GALNT14: variants seen among roughly 807,000 people sequenced by gnomAD.
The protein encoded by GALNT14 is polypeptide N-acetylgalactosaminyltransferase 14, also known as UDP-GalNAc:polypeptide N-acetylgalactosaminyltransferase 14.
In GALNT14, 60 loss-of-function variants were observed where a neutral mutation model predicts 77.5. That is an observed-to-expected ratio of 0.77 (90% confidence interval 0.63 to 0.96). The LOEUF is 0.96. Among genes scored for constraint, GALNT14 ranks in the 40% least tolerant of loss-of-function variants. The pLI is 0.00. For missense variants in GALNT14, 710 were observed against 731.0 expected (o/e 0.97, Z 0.33); for synonymous variants, 280 against 281.7 (o/e 0.99, Z 0.06).
Position 30,993,021 on chromosome 2 carries a change from A to G in GALNT14, c.130-14T>C. The G allele has an allele frequency of 6.2e-7, 1 of 1,613,396 alleles. No individual in the cohort carries two copies. The highest frequency in any genetic ancestry group is 8.5e-7 in the Non-Finnish European group (1 of 1,179,734). ...AGCGTCCGAAGGCTGCGTGACACGA[A>G]TGGGAAGTCTGTGAGAACGGCTCCC... On this transcript the variant is annotated splice_polypyrimidine_tract_variant and intron_variant, in intron 1 of 14. Coordinates refer to ENST00000349752, the MANE Select transcript of GALNT14 (RefSeq NM_024572.4).
intron 1 of GALNT14, among the ~76,000 whole-genome samples, chr2:31,126,500 C>T (rs189723274): frequency 2.6e-5 from 4 of 152,220 alleles, no homozygotes; most frequent in African/African-American, 7.2e-5. Context: ...CTAAGAATGC[C>T]GGCCGTGCAG....
At chr2:31,072,263 T>TCTCA (rs1553372467) in intron 1 of GALNT14, among the ~76,000 whole-genome samples, 4 of 80,318 alleles carry the variant, frequency 5.0e-5, no homozygotes, top group Admixed American at 1.2e-4. Context: ...TCTCTCTCTC[T>TCTCA]CACACACACA....
intron 1 of GALNT14, among the ~76,000 whole-genome samples, chr2:31,060,681 G>A (rs1674535945): frequency 6.6e-6 from 1 of 152,184 alleles, no homozygotes; most frequent in South Asian, 2.1e-4. Context: ...GGTGCAGCTG[G>A]GGTGATGTGT....
chr2:30,975,158 C>T (rs978765218), intron 2 of GALNT14, among the ~76,000 whole-genome samples: 1 of 152,186 alleles, frequency 6.6e-6, no homozygotes, highest in Non-Finnish European at 1.5e-5. Flanking sequence ...TGGGGAATAT[C>T]AGGTGGCATC....
chr2:30,936,882 T>A (rs972571320), intron 9 of GALNT14, among the ~76,000 whole-genome samples: 4 of 152,342 alleles, frequency 2.6e-5, no homozygotes, highest in African/African-American at 7.2e-5. Flanking sequence ...GACACCTTTA[T>A]CTTTCCATAT....
chr2:31,064,207 G>C (rs569261603), intron 1 of GALNT14, among the ~76,000 whole-genome samples: 76 of 152,306 alleles, frequency 5.0e-4, no homozygotes, highest in African/African-American at 1.7e-3. Context: ...GTATAAATCT[G>C]CTATTGTGTT....
At chr2:31,044,961 G>A (rs1412403226) in intron 1 of GALNT14, among the ~76,000 whole-genome samples, 1 of 152,016 alleles carries the variant, frequency 6.6e-6, no homozygotes, top group African/African-American at 2.4e-5. Flanking sequence ...CAGGCATGGG[G>A]AATTCAAACC....
chr2:31,104,882 A>T (rs928488895), intron 1 of GALNT14, among the ~76,000 whole-genome samples: 1 of 152,302 alleles, frequency 6.6e-6, no homozygotes, highest in South Asian at 2.1e-4. Context: ...AAATTTTGCC[A>T]CTGAAATTTT....
chr2:30,950,079 C>A (rs900638861), intron 6 of GALNT14, among the ~76,000 whole-genome samples: 2 of 152,104 alleles, frequency 1.3e-5, no homozygotes, highest in Non-Finnish European at 2.9e-5. Flanking sequence ...TTATTATTTG[C>A]AAAACTATCC....
chr2:30,895,415 G>C, the GALNT14 span, among the ~76,000 whole-genome samples: 1 of 152,186 alleles, frequency 6.6e-6, no homozygotes, highest in African/African-American at 2.4e-5. Flanking sequence ...GGGACACAAA[G>C]GGGATGCCTG....
intron 9 of GALNT14, among the ~76,000 whole-genome samples, chr2:30,940,109 G>A (rs1666293595): frequency 6.6e-6 from 1 of 152,088 alleles, no homozygotes; most frequent in African/African-American, 2.4e-5. Flanking sequence ...GATAGCTGTT[G>A]GCAGTGCTTT....
At chr2:30,987,443 C>T (rs1161869707) in intron 2 of GALNT14, among the ~76,000 whole-genome samples, 1 of 152,228 alleles carries the variant, frequency 6.6e-6, no homozygotes, top group African/African-American at 2.4e-5. Flanking sequence ...GCTTCTTCTA[C>T]TCCTGCCCTC....
chr2:31,117,003 C>A (rs546693899), intron 1 of GALNT14, among the ~76,000 whole-genome samples: 1 of 152,082 alleles, frequency 6.6e-6, no homozygotes, highest in African/African-American at 2.4e-5. Context: ...CGCCATTGCA[C>A]TCCAGCCTGG....
chr2:31,066,949 C>T (rs17010640), intron 1 of GALNT14, among the ~76,000 whole-genome samples: 6,536 of 152,266 alleles, frequency 0.043, 262 homozygotes, highest in East Asian at 0.2. Flanking sequence ...TACCTCACCC[C>T]GACATTGCCC....
chr2:30,995,097 TAGTC>T (rs1304475931), intron 1 of GALNT14, among the ~76,000 whole-genome samples: 1 of 151,164 alleles, frequency 6.6e-6, no homozygotes, highest in Non-Finnish European at 1.5e-5. Context: ...GGCAGTATAT[TAGTC>T]AGGGTCCTCT....
Position 31,115,302 on chromosome 2 carries a change from T to C in GALNT14, c.129+22656A>G, listed in dbSNP as rs1678052757. On this transcript the variant is annotated intron_variant, in intron 1 of 14. Coordinates refer to ENST00000349752, the MANE Select transcript of GALNT14 (RefSeq NM_024572.4). Reference sequence around the variant, plus strand: ...CCCAAACGAACCACAAAACCATCCATACATTGCCAAGTGTCCGAGGCAGAT... The same window carrying C: ...CCCAAACGAACCACAAAACCATCCACACATTGCCAAGTGTCCGAGGCAGAT... 2.0e-5 allele frequency among the ~76,000 whole-genome samples: 3 copies of C among 152,146 alleles called. No individual in the cohort carries two copies. The South Asian group carries it at 6.2e-4, about 32-fold the overall frequency.
chr2:30,922,623 A>C (rs1033788059), intron 13 of GALNT14, among the ~76,000 whole-genome samples: 1 of 152,174 alleles, frequency 6.6e-6, no homozygotes, highest in African/African-American at 2.4e-5. Context: ...CTGAGAATAC[A>C]ACTCATTTCC....
At chr2:30,997,541 G>C (rs1324927225) in intron 1 of GALNT14, among the ~76,000 whole-genome samples, 1 of 152,062 alleles carries the variant, frequency 6.6e-6, no homozygotes, top group Non-Finnish European at 1.5e-5. Flanking sequence ...CTCAGAACTG[G>C]GCCCACTCCT....
intron 2 of GALNT14, among the ~76,000 whole-genome samples, chr2:30,984,294 C>T (rs1029584908): frequency 1.3e-5 from 2 of 152,260 alleles, no homozygotes; most frequent in Non-Finnish European, 2.9e-5. Context: ...GCCTGTTCAG[C>T]CTGCACTTTG....
Sources: allele counts gnomAD v4.1 joint callset (sites outside exome capture counted in the v4.1 genomes callset), GRCh38; gene constraint gnomAD v4.1.1; transcripts MANE v1.5; gene names NCBI Gene and HGNC (gene_info 2026-07-23, HGNC 2026-07-21).